The following PHACTR2 variants were observed in gnomAD, a reference collection of about 807,000 sequenced individuals.
PHACTR2 encodes chromosome 6 open reading frame 56.
A neutral mutation model predicts 76.0 loss-of-function variants in PHACTR2; 30 were observed. The ratio of observed to expected loss-of-function variants is 0.39; its 90% CI spans 0.30 to 0.54. PHACTR2 has a LOEUF of 0.54. Among genes scored for constraint, PHACTR2 ranks in the 20% least tolerant of loss-of-function variants. The pLI, the probability that PHACTR2 is intolerant of heterozygous loss-of-function variation, is 0.61. For missense variants in PHACTR2, 696 were observed against 781.1 expected (o/e 0.89, Z 1.30); for synonymous variants, 292 against 292.5 (o/e 1.00, Z 0.02).
At position 143,696,154 on chromosome 6, in the gene PHACTR2, C is replaced by T. The variant is rs968792920; in HGVS notation, c.47-15862C>T. Among the ~76,000 whole-genome samples the T allele has an allele frequency of 6.6e-6, 1 of 152,186 alleles. No homozygotes were observed. Among genetic ancestry groups the T allele is most frequent in the South Asian group, 2.1e-4 (1 of 4,836 alleles). The stretch of plus-strand genomic sequence containing the variant: ...CCTCTCTCATTCTTGTATATGATGT[C>T]AACCTTCTTGCTTAGTTTCTTTCCT... On this transcript the variant is annotated intron_variant, in intron 1 of 12. Coordinates refer to ENST00000440869, the MANE Select transcript of PHACTR2 (RefSeq NM_001100164.2). The surrounding 1 kb of genome is among the most constrained non-coding windows in gnomAD (Gnocchi z 4.1).
Position 143,695,099 on chromosome 6 carries a change from A to G in PHACTR2, c.46+16890A>G, listed in dbSNP as rs915941549. 5.9e-5 allele frequency among the ~76,000 whole-genome samples: 9 copies of G among 152,202 alleles called. No individual in the cohort carries two copies. Among genetic ancestry groups the G allele is most frequent in the Non-Finnish European group, 1.5e-5 (1 of 68,024 alleles). On this transcript the variant is annotated intron_variant, in intron 1 of 12. Transcript: ENST00000440869. The surrounding 1 kb of genome is among the most constrained non-coding windows in gnomAD (Gnocchi z 4.4). ...ATGATTAAAACTCTCCTTAAACCTCAGAAATTATTTAATTTTATAGGCATC... is the reference window on the plus strand; with the variant it reads ...ATGATTAAAACTCTCCTTAAACCTCGGAAATTATTTAATTTTATAGGCATC...
At position 143,618,294 on chromosome 6, in the gene PHACTR2, C is replaced by G. The variant is rs1776092994; in HGVS notation, c.13+9972C>G. On this transcript the variant is annotated intron_variant, in intron 1 of 11. Coordinates refer to the PHACTR2 transcript ENST00000305766. This position sits in a 1 kb window ranked among gnomAD's most constrained non-coding sequence, Gnocchi z 5.2. ...ACACACACACACACACACGCACACTCCAGAATGAGTTTCAGATCATTTTAA... is the reference window on the plus strand; with the variant it reads ...ACACACACACACACACACGCACACTGCAGAATGAGTTTCAGATCATTTTAA... Among the ~76,000 whole-genome samples, 1 of 151,898 alleles carries G rather than the reference C, an allele frequency of 6.6e-6. No individual in the cohort carries two copies. Among genetic ancestry groups the G allele is most frequent in the South Asian group, 2.1e-4 (1 of 4,806 alleles).
Position 143,659,372 on chromosome 6 carries a change from G to A in PHACTR2, c.13+51050G>A, listed in dbSNP as rs1776907189. On this transcript the variant is annotated intron_variant, in intron 1 of 11. Coordinates refer to the PHACTR2 transcript ENST00000305766. This position sits in a 1 kb window ranked among gnomAD's most constrained non-coding sequence, Gnocchi z 5.0. The stretch of plus-strand genomic sequence containing the variant: ...CAGCTGTATAAAAACCCTCTGCTGA[G>A]GGTGTCAGGGTCTCATGAAGCTGCA... 6.6e-6 allele frequency among the ~76,000 whole-genome samples: 1 copy of A among 152,174 alleles called. No homozygotes were observed. The highest frequency in any genetic ancestry group is 2.1e-4 in the South Asian group (1 of 4,826).
intron 10 of PHACTR2, among the ~76,000 whole-genome samples, chr6:143,788,454 G>T (rs532831289): frequency 6.6e-6 from 1 of 152,122 alleles, no homozygotes; most frequent in Non-Finnish European, 1.5e-5. Flanking sequence ...TTGTGTCTGC[G>T]CATTGCATGT....
rs1219023148 is a variant in PHACTR2, at chr6:143,803,693, A to G, written c.1846-3364A>G. On this transcript the variant is annotated intron_variant, in intron 11 of 12. Coordinates refer to ENST00000440869, the MANE Select transcript of PHACTR2 (RefSeq NM_001100164.2). This position sits in a 1 kb window ranked among gnomAD's most constrained non-coding sequence, Gnocchi z 4.7. ...TGTTTGAGAATGATGTTAACATCAC[A>G]CATAGAAAGGCTGTGTTTTCTAGGA... Among the ~76,000 whole-genome samples, 3 of 152,252 alleles carry G rather than the reference A, an allele frequency of 2.0e-5. No homozygotes were observed. The highest frequency in any genetic ancestry group is 7.2e-5 in the African/African-American group (3 of 41,462).
At chr6:143,690,450 A>G (rs1253695750) in intron 1 of PHACTR2, among the ~76,000 whole-genome samples, 1 of 152,020 alleles carries the variant, frequency 6.6e-6, no homozygotes, top group Non-Finnish European at 1.5e-5. Flanking sequence ...GGCAGAGCAC[A>G]CAGGGTGCTT....
chr6:143,670,946 T>C (rs929710184), intron 1 of PHACTR2, among the ~76,000 whole-genome samples: 2 of 150,990 alleles, frequency 1.3e-5, no homozygotes, highest in African/African-American at 4.9e-5. Flanking sequence ...TTTTTTGAAA[T>C]GGAGTCTCGC....
chr6:143,581,604 C>G lies in PHACTR2; in HGVS notation c.217+44397C>G, dbSNP rs534292934. On this transcript the variant is annotated intron_variant, in intron 1 of 11. Coordinates refer to the PHACTR2 transcript ENST00000367584. The surrounding 1 kb of genome is among the most constrained non-coding windows in gnomAD (Gnocchi z 4.5). Reference sequence around the variant, plus strand: ...ATTATCTATTGCTGCATGACAAATACGGATCACTCAAGTCCAGGAGTTTGA... The same window carrying G: ...ATTATCTATTGCTGCATGACAAATAGGGATCACTCAAGTCCAGGAGTTTGA... Among the ~76,000 whole-genome samples, 2 of 152,210 alleles carry G rather than the reference C, an allele frequency of 1.3e-5. No homozygotes were observed. Among genetic ancestry groups the G allele is most frequent in the East Asian group, 3.9e-4 (2 of 5,180 alleles).
chr6:143,703,541 C>T (rs941606061), intron 1 of PHACTR2, among the ~76,000 whole-genome samples: 4 of 152,106 alleles, frequency 2.6e-5, no homozygotes, highest in Non-Finnish European at 2.9e-5. Context: ...TCCTCCAGAG[C>T]GACTAAAATC....
At chr6:143,729,584 A>G (rs1778656624) in intron 2 of PHACTR2, among the ~76,000 whole-genome samples, 1 of 152,164 alleles carries the variant, frequency 6.6e-6, no homozygotes, top group Non-Finnish European at 1.5e-5. Context: ...TCATTTGTTG[A>G]AAAGATCATC....
intron 1 of PHACTR2, among the ~76,000 whole-genome samples, chr6:143,634,511 C>G (rs1776417888): frequency 6.6e-6 from 1 of 152,112 alleles, no homozygotes; most frequent in Admixed American, 6.5e-5. Context: ...AAACAGAGGT[C>G]TTGGTGCCAG....
intron 1 of PHACTR2, among the ~76,000 whole-genome samples, chr6:143,655,286 T>C (rs1257061494): frequency 7.2e-5 from 11 of 152,116 alleles, no homozygotes; most frequent in Non-Finnish European, 1.5e-4. Flanking sequence ...AGAAAGAAAG[T>C]ACATTAGTGG....
Position 143,547,969 on chromosome 6 carries a change from T to C in PHACTR2, c.217+10762T>C, listed in dbSNP as rs373692680. On this transcript the variant is annotated intron_variant, in intron 1 of 11. Transcript: ENST00000367584. This position sits in a 1 kb window ranked among gnomAD's most constrained non-coding sequence, Gnocchi z 4.2. ...TCTATTAATCTATCTATCTTCATCA[T>C]CATCATCATGTGTATCATCTATCTA... is the stretch of plus-strand genomic sequence containing the variant. Among the ~76,000 whole-genome samples, 1 of 152,228 alleles carries C rather than the reference T, an allele frequency of 6.6e-6. No homozygotes were observed. The highest frequency in any genetic ancestry group is 2.4e-5 in the African/African-American group (1 of 41,454).
chr6:143,609,046 A>G (rs1288317064), intron 1 of PHACTR2, among the ~76,000 whole-genome samples: 1 of 152,178 alleles, frequency 6.6e-6, no homozygotes, highest in African/African-American at 2.4e-5. Flanking sequence ...GTCGGCACTC[A>G]AGCAGAATTC....
In PHACTR2 at chr6:143,547,567, G is replaced by A. The variant is rs1217909628; in HGVS notation, c.217+10360G>A. Among the ~76,000 whole-genome samples the A allele has an allele frequency of 6.6e-6, 1 of 152,198 alleles. No homozygotes were observed. Among genetic ancestry groups the A allele is most frequent in the East Asian group, 1.9e-4 (1 of 5,196 alleles). ...AAAGGAGCTTTGAAACAGCCACTGT[G>A]ACATTTGTAGAAGGGACCCAATCAG... On this transcript the variant is annotated intron_variant, in intron 1 of 11. Transcript: ENST00000367584. The surrounding 1 kb of genome is among the most constrained non-coding windows in gnomAD (Gnocchi z 4.2).
intron 2 of PHACTR2, among the ~76,000 whole-genome samples, chr6:143,744,643 C>T (rs1230708435): frequency 6.6e-6 from 1 of 152,142 alleles, no homozygotes; most frequent in Non-Finnish European, 1.5e-5. Context: ...GGCCACCATG[C>T]AGGGCCCCAA....
In PHACTR2 at chr6:143,639,791, A is replaced by G. The variant is rs1776532351; in HGVS notation, c.13+31469A>G. Among the ~76,000 whole-genome samples the G allele has an allele frequency of 6.6e-6, 1 of 152,240 alleles. No homozygotes were observed. The highest frequency in any genetic ancestry group is 1.5e-5 in the Non-Finnish European group (1 of 68,050). On this transcript the variant is annotated intron_variant, in intron 1 of 11. Transcript: ENST00000305766. This position sits in a 1 kb window ranked among gnomAD's most constrained non-coding sequence, Gnocchi z 5.0. The stretch of plus-strand genomic sequence containing the variant: ...ACAAATATTGACTATTTACACAGTC[A>G]CAAAAGAAGTTTTAAGAACCACTGA...
In PHACTR2 at chr6:143,787,517, C is replaced by T. The variant is rs187388208; in HGVS notation, c.1708-1256C>T. On this transcript the variant is annotated intron_variant, in intron 10 of 12. Transcript: ENST00000440869. This position sits in a 1 kb window ranked among gnomAD's most constrained non-coding sequence, Gnocchi z 4.6. Reference sequence around the variant, plus strand: ...TATGGGCCTAGGCCTTCTAAAAGTCCTTGAGTGCTTTGAATATTACAGTAT... The same window carrying T: ...TATGGGCCTAGGCCTTCTAAAAGTCTTTGAGTGCTTTGAATATTACAGTAT... Among the ~76,000 whole-genome samples, 2 of 152,314 alleles carry T rather than the reference C, an allele frequency of 1.3e-5. No homozygotes were observed. Among genetic ancestry groups the T allele is most frequent in the Non-Finnish European group, 2.9e-5 (2 of 68,036 alleles).
chr6:143,678,033 G>T lies in PHACTR2; in HGVS notation c.-131G>T. ...CTGGGAGACCCGCGCGGGGTAGAAG[G>T]TGAGGGGACCCGGCGGGCCGCTCGG... On this transcript the variant is annotated 5_prime_UTR_variant, in exon 1 of 13. Coordinates refer to ENST00000440869, the MANE Select transcript of PHACTR2 (RefSeq NM_001100164.2). The surrounding 1 kb of genome is among the most constrained non-coding windows in gnomAD (Gnocchi z 6.2). The T allele has an allele frequency of 6.6e-7, 1 of 1,519,654 alleles. No individual in the cohort carries two copies. Among genetic ancestry groups the T allele is most frequent in the Non-Finnish European group, 8.8e-7 (1 of 1,130,896 alleles). The allele number at this position is 1,519,654 out of a possible 1,614,324, so 94.1% of individuals were successfully genotyped here.
Sources: allele counts gnomAD v4.1 joint callset (sites outside exome capture counted in the v4.1 genomes callset), GRCh38; gene constraint gnomAD v4.1.1; non-coding constraint Gnocchi (gnomAD v3.1); transcripts MANE v1.5; gene names NCBI Gene and HGNC (gene_info 2026-07-23, HGNC 2026-07-21).